ROBO2: variants seen among roughly 807,000 people sequenced by gnomAD.
ROBO2 encodes the protein roundabout homolog 2.
In ROBO2, 53 loss-of-function variants were observed where a neutral mutation model predicts 160.8. The observed-to-expected ratio is 0.33, with a 90% confidence interval of 0.26 to 0.41. The LOEUF is 0.41. Among genes scored for constraint, ROBO2 ranks in the 10% least tolerant of loss-of-function variants. The probability of loss-of-function intolerance (pLI) is 1.00; values close to 1 mark genes in which losing one functional copy is unlikely to be tolerated. For synonymous variants in ROBO2, 664 were observed against 611.7 expected, an observed-to-expected ratio of 1.09 and a Z score of -1.26; for missense variants, 1,577 against 1,722.4, an observed-to-expected ratio of 0.92 and a Z score of 1.49.
chr3:76,284,478 A>T (rs186831801), intron 2 of ROBO2, among the ~76,000 whole-genome samples: 1 of 152,106 alleles, frequency 6.6e-6, no homozygotes, highest in Admixed American at 6.6e-5. Context: ...ATTTCAGTGT[A>T]TATTTAATAG....
chr3:76,944,895 CTT>C (rs764903706), intron 2 of ROBO2, among the ~76,000 whole-genome samples: 2 of 144,536 alleles, frequency 1.4e-5, no homozygotes, highest in Non-Finnish European at 1.5e-5. Flanking sequence ...GCTGTGATGG[CTT>C]TTTTTTTTTT....
At chr3:76,820,262 T>A (rs1250123638) in intron 2 of ROBO2, among the ~76,000 whole-genome samples, 1 of 152,092 alleles carries the variant, frequency 6.6e-6, no homozygotes, top group African/African-American at 2.4e-5. Context: ...TGAACACGCA[T>A]GTTTCTTACC....
chr3:76,432,255 T>C (rs1303320254), intron 2 of ROBO2, among the ~76,000 whole-genome samples: 1 of 152,212 alleles, frequency 6.6e-6, no homozygotes, highest in Non-Finnish European at 1.5e-5. Context: ...TTAGAGAAAA[T>C]GAAGACATTA....
At chr3:76,713,320 G>A (rs1489118196) in intron 2 of ROBO2, among the ~76,000 whole-genome samples, 1 of 152,132 alleles carries the variant, frequency 6.6e-6, no homozygotes, top group Non-Finnish European at 1.5e-5. Context: ...TGAATTAAAA[G>A]TCAAATAATT....
At chr3:76,109,603 T>G (rs141905998) in intron 2 of ROBO2, among the ~76,000 whole-genome samples, 1 of 152,146 alleles carries the variant, frequency 6.6e-6, no homozygotes, top group Non-Finnish European at 1.5e-5. Flanking sequence ...CTTTTTCCAC[T>G]GGCTCTTTAC....
chr3:76,089,263 ATAAAT>A (rs2069133659), intron 2 of ROBO2, among the ~76,000 whole-genome samples: 1 of 152,104 alleles, frequency 6.6e-6, no homozygotes, highest in South Asian at 2.1e-4. Flanking sequence ...CATTTATAAA[ATAAAT>A]TATGCCAATT....
intron 2 of ROBO2, among the ~76,000 whole-genome samples, chr3:76,929,121 G>T (rs965740399): frequency 6.6e-6 from 1 of 152,128 alleles, no homozygotes; most frequent in Non-Finnish European, 1.5e-5. Flanking sequence ...TTAGCCAGGC[G>T]TGATGGCGTT....
At chr3:76,020,023 T>C (rs1054471612) in intron 2 of ROBO2, among the ~76,000 whole-genome samples, 5 of 151,992 alleles carry the variant, frequency 3.3e-5, no homozygotes, top group African/African-American at 1.2e-4. Flanking sequence ...GAGAATACTG[T>C]GTATTCCTTG....
At chr3:76,327,446 A>G (rs758737040) in intron 2 of ROBO2, among the ~76,000 whole-genome samples, 4 of 152,166 alleles carry the variant, frequency 2.6e-5, no homozygotes, top group Non-Finnish European at 4.4e-5. Flanking sequence ...AAATTTGATA[A>G]TGACAGATTA....
chr3:77,130,574 C>T (rs947466928), intron 2 of ROBO2, among the ~76,000 whole-genome samples: 3 of 152,126 alleles, frequency 2.0e-5, no homozygotes, highest in East Asian at 1.9e-4. Context: ...TTGCACCAAC[C>T]TGATATTTAG....
At chr3:77,220,232 G>A (rs1257558876) in intron 2 of ROBO2, among the ~76,000 whole-genome samples, 13 of 152,040 alleles carry the variant, frequency 8.6e-5, no homozygotes, top group Non-Finnish European at 1.3e-4. Flanking sequence ...GGCTGGTCTC[G>A]AACTCCTGAC....
At chr3:77,044,166 T>TA (rs34879795) in intron 1 of ROBO2, among the ~76,000 whole-genome samples, 5,981 of 146,412 alleles carry the variant, frequency 0.041, 344 homozygotes, top group African/African-American at 0.13. Flanking sequence ...AAAAATATTG[T>TA]AAAAAAAAAA....
At chr3:76,084,267 G>A (rs1156338575) in intron 2 of ROBO2, among the ~76,000 whole-genome samples, 2 of 152,094 alleles carry the variant, frequency 1.3e-5, no homozygotes, top group East Asian at 3.9e-4. Context: ...AGACTCTTTA[G>A]TCATATGAAG....
intron 2 of ROBO2, among the ~76,000 whole-genome samples, chr3:76,759,440 GA>G (rs1197311482): frequency 1.2e-4 from 18 of 151,756 alleles, no homozygotes; most frequent in African/African-American, 3.9e-4. Context: ...CAATGATGTG[GA>G]TTTTTTTAGT....
chr3:77,027,532 T>C lies in ROBO2; in HGVS notation c.110-70482T>C, dbSNP rs376820469. 5.9e-4 allele frequency among the ~76,000 whole-genome samples: 90 copies of C among 152,314 alleles called. No individual in the cohort carries two copies. The Middle Eastern group carries it at 0.017, about 29-fold the overall frequency. The stretch of plus-strand genomic sequence containing the variant: ...TAAAACCAAATTCTGAGGAGTAAAT[T>C]ACTACATGGCAATTGCTAGGTTGCT... On this transcript the variant is annotated intron_variant, in intron 2 of 26. Coordinates refer to the ROBO2 transcript ENST00000487694.
At chr3:76,859,523 T>C (rs1256395833) in intron 2 of ROBO2, among the ~76,000 whole-genome samples, 1 of 152,152 alleles carries the variant, frequency 6.6e-6, no homozygotes, top group Non-Finnish European at 1.5e-5. Context: ...CTCAATTTGC[T>C]CCCCTTCCCT....
intron 13 of ROBO2, among the ~76,000 whole-genome samples, chr3:77,569,877 T>C (rs1189189867): frequency 1.3e-5 from 2 of 151,996 alleles, no homozygotes; most frequent in Admixed American, 6.6e-5. Context: ...TTAAGAGTAA[T>C]TATGATTATT....
intron 2 of ROBO2, among the ~76,000 whole-genome samples, chr3:77,188,717 TTC>T (rs2081515779): frequency 6.6e-6 from 1 of 151,906 alleles, no homozygotes; most frequent in Admixed American, 6.6e-5. Flanking sequence ...TCTCTCTACA[TTC>T]TGTGTTCACC....
At chr3:76,307,550 T>C (rs35561367) in intron 2 of ROBO2, among the ~76,000 whole-genome samples, 11,025 of 151,918 alleles carry the variant, frequency 0.073, 504 homozygotes, top group African/African-American at 0.13. Context: ...TATAGACCTC[T>C]GTGCTGCTGC....
Sources: gnomAD v4.1 joint callset for allele counts (sites outside exome capture counted in the v4.1 genomes callset) on GRCh38, gnomAD v4.1.1 for gene constraint, MANE v1.5 for transcripts, NCBI Gene and HGNC (gene_info 2026-07-23, HGNC 2026-07-21) for gene names.